MCF2L: variants seen among roughly 807,000 people sequenced by gnomAD.
The protein encoded by MCF2L is MCF.2 cell line derived transforming sequence like, also known as guanine nucleotide exchange factor DBS.
Under a neutral mutation model 153.4 loss-of-function variants are expected in MCF2L, and 97 were observed. That is an observed-to-expected ratio of 0.63 (90% confidence interval 0.54 to 0.75). The LOEUF is 0.75. MCF2L is among the 30% of genes least tolerant of loss of function. MCF2L has a pLI of 0.00. For missense variants in MCF2L, 1,347 were observed against 1,495.2 expected (o/e 0.90, Z 1.64); for synonymous variants, 659 against 632.2 (o/e 1.04, Z -0.64).
At chr13:113,096,221 C>G (rs1202927679) in intron 27 of MCF2L, 150 bp from the exon 28 acceptor site, 3 of 650,604 alleles carry the variant, frequency 4.6e-6, no homozygotes, top group Non-Finnish European at 8.1e-6. Context: ...GTAGCCTCCT[C>G]CCAAGGCTGG....
chr13:112,979,072 G>A (rs1243443131), intron 1 of MCF2L, among the ~76,000 whole-genome samples: 2 of 152,200 alleles, frequency 1.3e-5, no homozygotes, highest in African/African-American at 2.4e-5. Context: ...CTCCGGCCAC[G>A]CAAAGCAACC....
chr13:113,017,985 C>T (rs566988299), intron 2 of MCF2L, among the ~76,000 whole-genome samples: 16 of 152,368 alleles, frequency 1.1e-4, no homozygotes, highest in African/African-American at 3.4e-4. Flanking sequence ...CTCCCTGCGA[C>T]GTTCGTGCCA....
intron 26 of MCF2L, 65 bp downstream of exon 26, chr13:113,089,793 A>C: frequency 6.3e-7 from 1 of 1,594,944 alleles, no homozygotes; most frequent in Non-Finnish European, 8.6e-7. Flanking sequence ...CGGAGTGCTC[A>C]CTGCATCCGA....
In MCF2L at chr13:113,035,916, C is replaced by T. The variant is rs897540127; in HGVS notation, c.279-9355C>T. ...GTGTGACAGGCGATGGGGCCTTCCT[C>T]TCTGGTACAGCAGGGGCCTAAGGGA... On this transcript the variant is annotated intron_variant, in intron 3 of 29. Coordinates refer to ENST00000535094, the MANE Select transcript of MCF2L (RefSeq NM_001112732.3). This position sits in a 1 kb window ranked among gnomAD's most constrained non-coding sequence, Gnocchi z 4.4. Among the ~76,000 whole-genome samples the T allele has an allele frequency of 6.6e-6, 1 of 152,176 alleles. No homozygotes were observed. Among genetic ancestry groups the T allele is most frequent in the Non-Finnish European group, 1.5e-5 (1 of 68,038 alleles).
At chr13:113,077,341 C>T (rs999662735) in intron 13 of MCF2L, 130 bp downstream of exon 13, 11 of 1,111,130 alleles carry the variant, frequency 9.9e-6, no homozygotes, top group South Asian at 1.8e-5. Flanking sequence ...CTTCCACCTC[C>T]GGGCCCCAGT....
intron 2 of MCF2L, among the ~76,000 whole-genome samples, chr13:112,924,974 C>G (rs2081388361): frequency 6.6e-6 from 1 of 152,170 alleles, no homozygotes; most frequent in African/African-American, 2.4e-5. Flanking sequence ...AAATTTCGTG[C>G]TGGAAAAGAT....
At chr13:113,060,856 A>G in intron 5 of MCF2L, 144 bp downstream of exon 5, 1 of 1,100,464 alleles carries the variant, frequency 9.1e-7, no homozygotes, top group East Asian at 2.5e-5. Context: ...GGGAAGTTGC[A>G]CCTCCTCAAT....
chr13:113,019,118 T>C (rs764415297), intron 2 of MCF2L, among the ~76,000 whole-genome samples: 18 of 152,210 alleles, frequency 1.2e-4, no homozygotes, highest in Non-Finnish European at 1.9e-4. Context: ...CCTCCTGCCT[T>C]GCCCCTTCTC....
chr13:113,072,319 T>G (rs1020531723), intron 9 of MCF2L, among the ~76,000 whole-genome samples: 1 of 152,182 alleles, frequency 6.6e-6, no homozygotes, highest in African/African-American at 2.4e-5. Flanking sequence ...GATATGCCTT[T>G]TATTCTACCC....
At chr13:112,971,082 A>G (rs3011468) in intron 1 of MCF2L, among the ~76,000 whole-genome samples, 59,872 of 151,950 alleles carry the variant, frequency 0.39, 12,025 homozygotes, top group African/African-American at 0.46. Context: ...GCACAAACCC[A>G]TTTTCTGCTC....
intron 2 of MCF2L, among the ~76,000 whole-genome samples, chr13:112,947,810 C>A (rs2081652727): frequency 6.6e-6 from 1 of 152,300 alleles, no homozygotes; most frequent in Non-Finnish European, 1.5e-5. Context: ...ACCTCCGCAG[C>A]TACACTAGGC....
intron 1 of MCF2L, among the ~76,000 whole-genome samples, chr13:112,998,822 T>C (rs1054431805): frequency 1.3e-5 from 2 of 152,120 alleles, no homozygotes; most frequent in Admixed American, 1.3e-4. Flanking sequence ...CCTGAGGCCG[T>C]GCGAGCTCCC....
chr13:112,896,076 C>T (rs1370951995), intron 1 of MCF2L, among the ~76,000 whole-genome samples: 3 of 152,194 alleles, frequency 2.0e-5, no homozygotes, highest in African/African-American at 7.2e-5. Flanking sequence ...GCTTAGGAAC[C>T]TGCAGACTTT....
At chr13:113,065,993 C>T (rs2032303374) in intron 7 of MCF2L, 53 bp from the exon 8 acceptor site, 48 of 1,589,078 alleles carry the variant, frequency 3.0e-5, no homozygotes, top group Non-Finnish European at 4.0e-5. Context: ...CACCACCAGC[C>T]TGCGCTGTGT....
chr13:113,064,224 G>A lies in MCF2L; in HGVS notation c.490-80G>A. On this transcript the variant is annotated intron_variant, in intron 5 of 29. Transcript: ENST00000535094. This position sits in a 1 kb window ranked among gnomAD's most constrained non-coding sequence, Gnocchi z 6.0. ...CAGACGTGGTCCTCTCTGTGCTGCTGGGTGTTCTGCTGATGGGGCAGCTCT... is the reference window on the plus strand; with the variant it reads ...CAGACGTGGTCCTCTCTGTGCTGCTAGGTGTTCTGCTGATGGGGCAGCTCT... 2 of 1,034,194 alleles carry A rather than the reference G, an allele frequency of 1.9e-6. No homozygotes were observed. The highest frequency in any genetic ancestry group is 3.0e-6 in the Non-Finnish European group (2 of 659,996). 64.1% of individuals were successfully genotyped at this position (1,034,194 alleles called of 1,614,324 possible). A position where few individuals can be genotyped will look rare whatever the true frequency, so the allele number is the denominator to read the frequency against.
At chr13:112,976,511 C>T (rs1258314550) in intron 1 of MCF2L, among the ~76,000 whole-genome samples, 1 of 152,206 alleles carries the variant, frequency 6.6e-6, no homozygotes, top group African/African-American at 2.4e-5. Context: ...GGACCACACG[C>T]GGCTCTGGGC....
Position 113,046,045 on chromosome 13 carries a change from G to T in MCF2L, c.369+684G>T, listed in dbSNP as rs142599948. The stretch of plus-strand genomic sequence containing the variant: ...GAGAGTCTGTTTGCAGATTCTGCAC[G>T]CTGCCTTCCATAGCAGAAGGGGAGC... On this transcript the variant is annotated intron_variant, in intron 4 of 29. Transcript: ENST00000535094. This position sits in a 1 kb window ranked among gnomAD's most constrained non-coding sequence, Gnocchi z 4.4. 334 of 155,862 alleles carry T rather than the reference G, an allele frequency of 2.1e-3. No homozygotes were observed. Among genetic ancestry groups the T allele is most frequent in the African/African-American group, 7.8e-3 (325 of 41,538 alleles). 9.7% of individuals were successfully genotyped at this position (155,862 alleles called of 1,614,324 possible).
Position 113,027,029 on chromosome 13 carries a change from T to G in MCF2L, c.278+2271T>G, listed in dbSNP as rs149645765. 1.3e-6 allele frequency: 1 copy of G among 778,232 alleles called. No homozygotes were observed. The highest frequency in any genetic ancestry group is 1.7e-5 in the Admixed American group (1 of 58,940). The allele number at this position is 778,232 out of a possible 1,614,324, so 48.2% of individuals were successfully genotyped here. A position where few individuals can be genotyped will look rare whatever the true frequency, so the allele number is the denominator to read the frequency against. ...GTAGTTGCTGCTTCCATTTGGGGTA[T>G]AGTGAACACACACCAAGTAAAAACA... On this transcript the variant is annotated intron_variant, in intron 3 of 29. Coordinates refer to ENST00000535094, the MANE Select transcript of MCF2L (RefSeq NM_001112732.3). This position sits in a 1 kb window ranked among gnomAD's most constrained non-coding sequence, Gnocchi z 4.8.
At chr13:112,906,708 A>G (rs2081176360) in intron 2 of MCF2L, among the ~76,000 whole-genome samples, 1 of 152,218 alleles carries the variant, frequency 6.6e-6, no homozygotes, top group Non-Finnish European at 1.5e-5. Flanking sequence ...GACCGCTATC[A>G]TCTTAGAATT....
Sources: allele counts gnomAD v4.1 joint callset (sites outside exome capture counted in the v4.1 genomes callset), GRCh38; gene constraint gnomAD v4.1.1; non-coding constraint Gnocchi (gnomAD v3.1); transcripts MANE v1.5; gene names NCBI Gene and HGNC (gene_info 2026-07-23, HGNC 2026-07-21).